The following ALK variants were observed in gnomAD, a reference collection of about 807,000 sequenced individuals.
ALK encodes the protein ALK tyrosine kinase receptor.
Under a neutral mutation model 163.1 loss-of-function variants are expected in ALK, and 74 were observed. The observed-to-expected ratio is 0.45, with a 90% confidence interval of 0.38 to 0.55. The LOEUF (loss-of-function observed/expected upper bound fraction) is 0.55, where lower values mean the gene tolerates loss of function less well. ALK is among the 20% of genes least tolerant of loss of function. ALK has a pLI of 0.00. For synonymous variants in ALK, 960 were observed against 843.2 expected (o/e 1.14, Z -2.40); for missense variants, 2,063 against 2,105.3 (o/e 0.98, Z 0.39).
chr2:29,767,488 G>A (rs1054634237), intron 1 of ALK, among the ~76,000 whole-genome samples: 2 of 152,220 alleles, frequency 1.3e-5, no homozygotes, highest in Non-Finnish European at 2.9e-5. Context: ...GTCATCCTAT[G>A]AAGGCATAGA....
intron 5 of ALK, among the ~76,000 whole-genome samples, chr2:29,357,358 T>A (rs1276725478): frequency 2.0e-5 from 3 of 152,164 alleles, no homozygotes; most frequent in Non-Finnish European, 4.4e-5. Flanking sequence ...TGTCCCAATT[T>A]TCTCCCCCGC....
chr2:29,424,537 C>T (rs1373476916), intron 4 of ALK, among the ~76,000 whole-genome samples: 2 of 152,118 alleles, frequency 1.3e-5, no homozygotes, highest in African/African-American at 2.4e-5. Flanking sequence ...TTAGCAAAGT[C>T]AAGAAGGTTG....
chr2:29,654,857 G>A (rs1453410553), intron 3 of ALK, among the ~76,000 whole-genome samples: 1 of 151,578 alleles, frequency 6.6e-6, no homozygotes, highest in African/African-American at 2.4e-5. Context: ...AGATGCCCCA[G>A]AATCAATCCA....
intron 3 of ALK, among the ~76,000 whole-genome samples, chr2:29,598,037 T>C (rs1675264092): frequency 6.6e-6 from 1 of 152,342 alleles, no homozygotes; most frequent in Non-Finnish European, 1.5e-5. Context: ...AGAGTACTGT[T>C]ATTTTTTGGA....
At chr2:29,270,688 C>T (rs1283685695) in intron 11 of ALK, among the ~76,000 whole-genome samples, 10 of 152,168 alleles carry the variant, frequency 6.6e-5, no homozygotes, top group Admixed American at 5.9e-4. Flanking sequence ...CTTGGAGAAA[C>T]CTGGGGCTGA....
chr2:29,298,641 A>G (rs1312687552), intron 8 of ALK, among the ~76,000 whole-genome samples: 1 of 151,422 alleles, frequency 6.6e-6, no homozygotes, highest in Non-Finnish European at 1.5e-5. Context: ...GCATACTGAC[A>G]CTCTCACCCC....
At chr2:29,405,458 A>G (rs1324046441) in intron 4 of ALK, among the ~76,000 whole-genome samples, 1 of 152,132 alleles carries the variant, frequency 6.6e-6, no homozygotes, top group East Asian at 1.9e-4. Context: ...CGGTGGGTGG[A>G]ACATGTTTCA....
intron 1 of ALK, among the ~76,000 whole-genome samples, chr2:29,776,665 C>T (rs1001860213): frequency 6.6e-6 from 1 of 152,142 alleles, no homozygotes; most frequent in African/African-American, 2.4e-5. Flanking sequence ...GGCATGGTGG[C>T]TTATGCCTGT....
chr2:29,825,317 G>A (rs983455424), intron 1 of ALK, among the ~76,000 whole-genome samples: 9 of 152,146 alleles, frequency 5.9e-5, no homozygotes, highest in Admixed American at 3.3e-4. Context: ...TATGTATTAA[G>A]TGCCTATTGT....
chr2:29,557,907 G>A (rs565815048), intron 3 of ALK, among the ~76,000 whole-genome samples: 6 of 152,202 alleles, frequency 3.9e-5, no homozygotes, highest in Admixed American at 1.3e-4. Context: ...ATACTCATGC[G>A]CTCTTTCGAA....
At chr2:29,468,284 C>T (rs755921009) in intron 4 of ALK, among the ~76,000 whole-genome samples, 1 of 152,154 alleles carries the variant, frequency 6.6e-6, no homozygotes, top group Non-Finnish European at 1.5e-5. Context: ...ACCTCGGCCT[C>T]CCAAAGTGCT....
intron 1 of ALK, among the ~76,000 whole-genome samples, chr2:29,887,383 C>T (rs12993382): frequency 6.6e-6 from 1 of 151,964 alleles, no homozygotes; most frequent in Admixed American, 6.5e-5. Context: ...TCTTAAATGG[C>T]GGCTGGCTTC....
chr2:29,220,880 C>G (rs1227161770), intron 22 of ALK, 45 bp from the exon 23 acceptor site: 3 of 1,612,454 alleles, frequency 1.9e-6, no homozygotes, highest in East Asian at 4.5e-5. Context: ...TGAGCTGAGT[C>G]TGGGCAAATC....
At chr2:29,822,093 A>G (rs961161568) in intron 1 of ALK, among the ~76,000 whole-genome samples, 1 of 152,214 alleles carries the variant, frequency 6.6e-6, no homozygotes, top group African/African-American at 2.4e-5. Context: ...TAAAGAGTCC[A>G]AAGGATTTTA....
intron 3 of ALK, among the ~76,000 whole-genome samples, chr2:29,609,986 A>G (rs1210104378): frequency 6.6e-6 from 1 of 152,112 alleles, no homozygotes; most frequent in African/African-American, 2.4e-5. Context: ...GATAAAACCA[A>G]CCTCCCTAAA....
rs373708982 is a variant in ALK, at chr2:29,768,743, G to GTGTGTA, written c.668-51047_668-51046insTACACA. Among the ~76,000 whole-genome samples, 382 of 150,676 alleles carry GTGTGTA rather than the reference G, an allele frequency of 2.5e-3. 1 individual carries two copies. The highest frequency in any genetic ancestry group is 8.0e-3 in the African/African-American group (329 of 40,928). The stretch of plus-strand genomic sequence containing the variant: ...TGTGTGTGTGTGTGTGTGTGTGTGT[G>GTGTGTA]TATATATGTATATGTGCCTATAAGC... On this transcript the variant is annotated intron_variant, in intron 1 of 28. Coordinates refer to ENST00000389048, the MANE Select transcript of ALK (RefSeq NM_004304.5).
At chr2:29,614,794 C>T (rs535957482) in intron 3 of ALK, among the ~76,000 whole-genome samples, 1 of 152,202 alleles carries the variant, frequency 6.6e-6, no homozygotes, top group South Asian at 2.1e-4. Flanking sequence ...GATGTTTCTT[C>T]TTAGTAATTT....
intron 3 of ALK, among the ~76,000 whole-genome samples, chr2:29,694,172 A>G (rs1276124193): frequency 6.6e-6 from 1 of 152,188 alleles, no homozygotes; most frequent in African/African-American, 2.4e-5. Flanking sequence ...ACTCAGCACA[A>G]TTTAACAATT....
At chr2:29,811,240 C>T (rs550348843) in intron 1 of ALK, among the ~76,000 whole-genome samples, 2 of 143,400 alleles carry the variant, frequency 1.4e-5, no homozygotes, top group Non-Finnish European at 3.1e-5. Context: ...TGACTCCCCC[C>T]CTTTGAAACT....
Sources: gnomAD v4.1 joint callset for allele counts (sites outside exome capture counted in the v4.1 genomes callset) on GRCh38, gnomAD v4.1.1 for gene constraint, MANE v1.5 for transcripts, NCBI Gene and HGNC (gene_info 2026-07-23, HGNC 2026-07-21) for gene names.